The following TMEM269 variants were observed in gnomAD, a reference collection of about 807,000 sequenced individuals.
TMEM269 encodes the protein transmembrane protein 269.
Under a neutral mutation model 15.8 loss-of-function variants are expected in TMEM269, and 12 were observed. That is an observed-to-expected ratio of 0.76 (90% CI 0.49 to 1.23). The LOEUF is 1.23. Ranked by LOEUF, TMEM269 falls within the 50% of genes most tolerant of loss-of-function variation. The pLI, the probability that TMEM269 is intolerant of heterozygous loss-of-function variation, is 0.00. For missense variants in TMEM269, 211 were observed against 245.4 expected (o/e 0.86, Z 0.94); for synonymous variants, 93 against 99.3 (o/e 0.94, Z 0.38).
Position 42,793,624 on chromosome 1 carries a change from G to T in TMEM269, c.163G>T (p.Val55Phe). ...KLGAELNDFA[V>F]FTTFGLASAL... Reference sequence around the variant, plus strand: ...AGGAGCCGAGCTGAATGACTTTGCCGTCTTCACCACCTTCGGCTTGGCCTC... The same window carrying T: ...AGGAGCCGAGCTGAATGACTTTGCCTTCTTCACCACCTTCGGCTTGGCCTC... Residue 55 changes from valine (V) to phenylalanine (F), a missense_variant, in exon 4 of 6, where the codon GTC becomes TTC. By Grantham distance (50) the Val-to-Phe change is conservative. Transcript: ENST00000637012. The T allele has an allele frequency of 6.5e-7, 1 of 1,550,162 alleles. No individual in the cohort carries two copies. The highest frequency in any genetic ancestry group is 8.7e-7 in the Non-Finnish European group (1 of 1,146,796).
chr1:42,799,377 CCTT>C lies in TMEM269; in HGVS notation c.*1155_*1157del. ...CACCCTCAGAGACTGTGCCAGAACA[CCTT>C]CTACCCTGGATATAACTTTTTTAAG... On this transcript the variant is annotated 3_prime_UTR_variant, in exon 6 of 6. Coordinates refer to ENST00000637012, the MANE Select transcript of TMEM269 (RefSeq NM_001354602.2). 6.6e-6 allele frequency: 1 copy of C among 152,004 alleles called. No individual in the cohort carries two copies. The highest frequency in any genetic ancestry group is 1.5e-5 in the Non-Finnish European group (1 of 68,012). 9.4% of individuals were successfully genotyped at this position (152,004 alleles called of 1,614,324 possible).
rs1653721175 is a variant in TMEM269, at chr1:42,792,816, A to G, written c.53A>G (p.Tyr18Cys). The G allele has an allele frequency of 2.6e-6, 4 of 1,550,362 alleles. No homozygotes were observed. Among genetic ancestry groups the G allele is most frequent in the Non-Finnish European group, 3.5e-6 (4 of 1,146,920 alleles). Residue 18 changes from tyrosine to cysteine, a missense_variant, in exon 3 of 6, where the codon TAT becomes TGT. Coordinates refer to ENST00000637012, the MANE Select transcript of TMEM269 (RefSeq NM_001354602.2). ...IIFSFSRKCH[Y>C]ASRMLLVSFL... ...GGCCTGCACTTTAGGAAATGCCACT[A>G]TGCCTCCCGGATGCTCCTGGTCAGC...
rs1388732076 is a variant in TMEM269, at chr1:42,798,081, A to C, written c.485-17A>C. The C allele has an allele frequency of 2.6e-6, 4 of 1,551,080 alleles. No individual in the cohort carries two copies. The highest frequency in any genetic ancestry group is 3.5e-6 in the Non-Finnish European group (4 of 1,147,118). On this transcript the variant is annotated splice_polypyrimidine_tract_variant and intron_variant, in intron 5 of 5. Transcript: ENST00000637012. The stretch of plus-strand genomic sequence containing the variant: ...AGCTTCCTAGAAATTGAGTGTCTGC[A>C]CTTTTTGTTCTTCCAGGTGTCATCA...
At chr1:42,785,531 G>A (rs545483618) in intron 1 of TMEM269, among the ~76,000 whole-genome samples, 2 of 151,696 alleles carry the variant, frequency 1.3e-5, no homozygotes, top group South Asian at 2.1e-4. Flanking sequence ...TCTCCTGGCC[G>A]GTTTCCTTTT....
Position 42,793,745 on chromosome 1 carries a change from G to C in TMEM269, c.283+1G>C. On this transcript the variant is annotated splice_donor_variant, in intron 4 of 5. Coordinates refer to ENST00000637012, the MANE Select transcript of TMEM269 (RefSeq NM_001354602.2). LOFTEE classifies it high-confidence loss of function. ...TTCCACTTGTGCTTTTATTCACCTG[G>C]TGAGTGGAACCAAGGTTGCCTTAGA... 1.3e-6 allele frequency: 2 copies of C among 1,550,082 alleles called. No individual in the cohort carries two copies. Among genetic ancestry groups the C allele is most frequent in the Non-Finnish European group, 1.7e-6 (2 of 1,146,708 alleles).
chr1:42,792,847 G>C lies in TMEM269; in HGVS notation c.84G>C (p.Leu28=). 1.3e-6 allele frequency: 2 copies of C among 1,550,570 alleles called. No homozygotes were observed. The highest frequency in any genetic ancestry group is 1.7e-6 in the Non-Finnish European group (2 of 1,147,008). ...YASRMLLVSF[L]LDMAVRAMTS... is the part of the protein sequence containing the mutation. ...CCCGGATGCTCCTGGTCAGCTTCCT[G>C]TTAGACATGGCAGTCAGGGCAATGA... The change falls in exon 3 of 6, where the codon CTG becomes CTC. Residue 28 remains leucine (L), a synonymous_variant. Transcript: ENST00000637012.
rs1653810716 is a variant in TMEM269, at chr1:42,797,688, C to A, written c.485-410C>A. ...CCTTTCTGAGGATAGCAGTCTCAGG[C>A]CTGCACGTAAACTCTTTTCTGCATA... On this transcript the variant is annotated intron_variant, in intron 5 of 5. Transcript: ENST00000637012. The surrounding 1 kb of genome is among the most constrained non-coding windows in gnomAD (Gnocchi z 4.9). The A allele has an allele frequency of 2.5e-6, 1 of 399,964 alleles. No homozygotes were observed. The highest frequency in any genetic ancestry group is 5.0e-6 in the Non-Finnish European group (1 of 200,276). The allele number at this position is 399,964 out of a possible 1,614,324, so 24.8% of individuals were successfully genotyped here. A position where few individuals can be genotyped will look rare whatever the true frequency, so the allele number is the denominator to read the frequency against.
intron 2 of TMEM269, 29 bp downstream of exon 2, chr1:42,789,963 C>T (rs1034793960): frequency 1.3e-6 from 2 of 1,505,280 alleles, no homozygotes; most frequent in East Asian, 2.5e-5. Flanking sequence ...AAGCTCTTAG[C>T]CAAGAGCTGG....
In TMEM269 at chr1:42,788,340, G is replaced by T. The variant is rs140831999; in HGVS notation, c.-98-1456G>T. 3.3e-4 allele frequency among the ~76,000 whole-genome samples: 51 copies of T among 152,282 alleles called. No homozygotes were observed. Among genetic ancestry groups the T allele is most frequent in the African/African-American group, 1.1e-3 (47 of 41,558 alleles). On this transcript the variant is annotated intron_variant, in intron 1 of 5. Transcript: ENST00000637012. This position sits in a 1 kb window ranked among gnomAD's most constrained non-coding sequence, Gnocchi z 4.0. ...CAGATCTGGGAACACCTTGAAACTT[G>T]TTTATTTCACTCAAGTGCAGGATCT... is the stretch of plus-strand genomic sequence containing the variant.
In TMEM269 at chr1:42,797,165, A is replaced by G. The variant is rs919033720; in HGVS notation, c.485-933A>G. Among the ~76,000 whole-genome samples the G allele has an allele frequency of 1.3e-5, 2 of 152,150 alleles. No homozygotes were observed. The highest frequency in any genetic ancestry group is 1.3e-4 in the Admixed American group (2 of 15,272). ...TTTGCCTTTTGGTGGCGAATCTGAG[A>G]TGCAAATTGTGTTGGGAGTCCCCAA... On this transcript the variant is annotated intron_variant, in intron 5 of 5. Transcript: ENST00000637012. The surrounding 1 kb of genome is among the most constrained non-coding windows in gnomAD (Gnocchi z 4.9).
At position 42,793,712 on chromosome 1, in the gene TMEM269, C is replaced by T; in HGVS notation, c.251C>T (p.Ala84Val). Residue 84 changes from alanine (A) to valine (V), a missense_variant, in exon 4 of 6, where the codon GCT becomes GTT. Ala to Val is a moderately conservative substitution (Grantham distance 64). Coordinates refer to ENST00000637012, the MANE Select transcript of TMEM269 (RefSeq NM_001354602.2). ...ATCCTGGCCATCATCTATGTGTCAG[C>T]TGCTTCTTTCCACTTGTGCTTTTAT... ...SGILAIIYVS[A>V]ASFHLCFYSP... 6.4e-7 allele frequency: 1 copy of T among 1,550,586 alleles called. No individual in the cohort carries two copies. The highest frequency in any genetic ancestry group is 2.4e-5 in the East Asian group (1 of 40,914).
rs1007623162 is a variant in TMEM269 at position 42,789,540 on chromosome 1, G to A, written c.-98-256G>A. 8.6e-6 allele frequency: 13 copies of A among 1,511,506 alleles called. No homozygotes were observed. The African/African-American group carries it at 1.8e-4, about 21-fold the overall frequency. 93.6% of individuals were successfully genotyped at this position (1,511,506 alleles called of 1,614,324 possible). A position where few individuals can be genotyped will look rare whatever the true frequency, so the allele number is the denominator to read the frequency against. ...GCTGTGGGGCAAAGGTGCAGTCAGA[G>A]AGGGAGTGGAAACTATGCTTGTGTT... On this transcript the variant is annotated intron_variant, in intron 1 of 5. Coordinates refer to ENST00000637012, the MANE Select transcript of TMEM269 (RefSeq NM_001354602.2).
intron 4 of TMEM269, among the ~76,000 whole-genome samples, 158 bp from the exon 5 acceptor site, chr1:42,794,255 A>G (rs1353709145): frequency 6.6e-6 from 1 of 152,156 alleles, no homozygotes; most frequent in East Asian, 1.9e-4. Flanking sequence ...CCCATGCATC[A>G]TCTTTGTGAA....
intron 1 of TMEM269, among the ~76,000 whole-genome samples, chr1:42,787,738 G>T (rs1316315131): frequency 1.3e-5 from 2 of 151,182 alleles, no homozygotes; most frequent in African/African-American, 4.9e-5. Context: ...GTAGACAATT[G>T]ACCATTAATT....
chr1:42,794,569 A>C lies in TMEM269; in HGVS notation c.440A>C (p.Lys147Thr). 1 of 1,550,942 alleles carries C rather than the reference A, an allele frequency of 6.4e-7. No homozygotes were observed. The highest frequency in any genetic ancestry group is 8.7e-7 in the Non-Finnish European group (1 of 1,147,080). ...GACCAGAGCTACTATCCATATGACA[A>C]AATCCTGGAGTCTGAGAACTGGAAA... ...MMDQSYYPYD[K>T]ILESENWKKL... The change falls in exon 5 of 6, where the codon AAA becomes ACA. Residue 147 changes from lysine (K) to threonine (T), a missense_variant. Physicochemically the swap from Lys to Thr is moderately conservative, Grantham distance 78 (BLOSUM62 -1). Coordinates refer to ENST00000637012, the MANE Select transcript of TMEM269 (RefSeq NM_001354602.2).
intron 4 of TMEM269, 33 bp from the exon 5 acceptor site, chr1:42,794,380 G>A: frequency 6.6e-7 from 1 of 1,511,558 alleles, no homozygotes; most frequent in Non-Finnish European, 9.0e-7. Flanking sequence ...AGAGCAGAGG[G>A]AAGCAGCTAA....
At chr1:42,789,560 T>C in intron 1 of TMEM269, 1 of 1,464,648 alleles carries the variant, frequency 6.8e-7, no homozygotes, top group Non-Finnish European at 9.2e-7. Context: ...AAACTATGCT[T>C]GTGTTGGTTC....
In TMEM269 at chr1:42,797,444, C is replaced by T. The variant is rs1653807709; in HGVS notation, c.485-654C>T. Among the ~76,000 whole-genome samples, 1 of 152,096 alleles carries T rather than the reference C, an allele frequency of 6.6e-6. No individual in the cohort carries two copies. Among genetic ancestry groups the T allele is most frequent in the South Asian group, 2.1e-4 (1 of 4,824 alleles). ...GGAAACTGATGAGAGACTCAGTGCC[C>T]AAGTTTTACTGGGGGATGGTCATGT... On this transcript the variant is annotated intron_variant, in intron 5 of 5. Transcript: ENST00000637012. The surrounding 1 kb of genome is among the most constrained non-coding windows in gnomAD (Gnocchi z 4.9).
chr1:42,798,380 G>C lies in TMEM269; in HGVS notation c.*155G>C. The C allele has an allele frequency of 1.0e-6, 1 of 961,886 alleles. No homozygotes were observed. The highest frequency in any genetic ancestry group is 1.5e-6 in the Non-Finnish European group (1 of 668,864). The allele number at this position is 961,886 out of a possible 1,614,324, so 59.6% of individuals were successfully genotyped here. The stretch of plus-strand genomic sequence containing the variant: ...CCATGAAGTTAGAAACCCAAAGCAG[G>C]GTCAGTGAACTTCACTTCTTTGTCT... On this transcript the variant is annotated 3_prime_UTR_variant, in exon 6 of 6. Transcript: ENST00000637012.
Sources: gnomAD v4.1 joint callset for allele counts (sites outside exome capture counted in the v4.1 genomes callset) on GRCh38, gnomAD v4.1.1 for gene constraint, Gnocchi (gnomAD v3.1) non-coding constraint, MANE v1.5 for transcripts, NCBI Gene and HGNC (gene_info 2026-07-23, HGNC 2026-07-21) for gene names.